SPECC1: variants seen among roughly 807,000 people sequenced by gnomAD.
SPECC1 encodes sperm antigen with calponin homology and coiled-coil domains 1, also known as cytospin-B.
Under a neutral mutation model 104.1 loss-of-function variants are expected in SPECC1, and 62 were observed. That is an observed-to-expected ratio of 0.60 (90% confidence interval 0.49 to 0.74). SPECC1 has a LOEUF of 0.74. Among genes scored for constraint, SPECC1 ranks in the 30% least tolerant of loss-of-function variants. SPECC1 has a pLI of 0.00. For synonymous variants in SPECC1, 513 were observed against 501.6 expected (o/e 1.02, Z -0.30); for missense variants, 1,306 against 1,310.5 (o/e 1.00, Z 0.05).
At chr17:20,266,141 T>C (rs1037933694) in intron 12 of SPECC1, among the ~76,000 whole-genome samples, 7 of 152,222 alleles carry the variant, frequency 4.6e-5, no homozygotes, top group African/African-American at 1.7e-4. Flanking sequence ...AGGAATACCA[T>C]TGAATCTGTA....
chr17:20,306,167 A>G (rs918960031), intron 14 of SPECC1, 85 bp downstream of exon 14: 3 of 1,292,424 alleles, frequency 2.3e-6, no homozygotes, highest in African/African-American at 1.5e-5. Flanking sequence ...TTCTCGTAGA[A>G]CATTGACATC....
chr17:20,076,784 G>A (rs1343082378), intron 1 of SPECC1, among the ~76,000 whole-genome samples: 1 of 152,132 alleles, frequency 6.6e-6, no homozygotes, highest in Non-Finnish European at 1.5e-5. Context: ...ACACAGTGTG[G>A]GGGAGCACTT....
Position 20,317,063 on chromosome 17 carries a change from T to C in SPECC1, c.*2998T>C, listed in dbSNP as rs1273621539. The C allele has an allele frequency of 4.6e-5, 9 of 193,554 alleles. No individual in the cohort carries two copies. Among genetic ancestry groups the C allele is most frequent in the Non-Finnish European group, 8.6e-5 (8 of 92,902 alleles). The allele number at this position is 193,554 out of a possible 1,614,324, so 12.0% of individuals were successfully genotyped here. ...GAGTTTCCCCGACTACCATTTTTTTTTTTTTTATTTGCCAGTGGTGTGCAT... is the reference window on the plus strand; with the variant it reads ...GAGTTTCCCCGACTACCATTTTTTTCTTTTTTATTTGCCAGTGGTGTGCAT... On this transcript the variant is annotated 3_prime_UTR_variant, in exon 15 of 15. Transcript: ENST00000395527.
At chr17:20,181,858 C>T (rs2034913099) in intron 3 of SPECC1, among the ~76,000 whole-genome samples, 1 of 151,874 alleles carries the variant, frequency 6.6e-6, no homozygotes, top group Admixed American at 6.6e-5. Context: ...TACTGTGGTT[C>T]ATAAAACAAG....
chr17:20,180,884 G>C (rs1466619333), intron 3 of SPECC1, among the ~76,000 whole-genome samples: 1 of 152,112 alleles, frequency 6.6e-6, no homozygotes, highest in African/African-American at 2.4e-5. Context: ...CCTAGGTCTA[G>C]GGAGTATTTA....
intron 1 of SPECC1, among the ~76,000 whole-genome samples, chr17:20,073,924 G>A (rs1347310901): frequency 1.3e-5 from 2 of 152,136 alleles, no homozygotes; most frequent in Non-Finnish European, 1.5e-5. Flanking sequence ...ACCTTTTGAC[G>A]TGTTGAAAGA....
At chr17:20,194,992 ACT>A (rs2035934983) in intron 3 of SPECC1, among the ~76,000 whole-genome samples, 1 of 152,134 alleles carries the variant, frequency 6.6e-6, no homozygotes, top group Non-Finnish European at 1.5e-5. Flanking sequence ...AGTTTCCTTG[ACT>A]CTGAAAAACA....
At chr17:20,066,101 T>A (rs2046348640) in intron 1 of SPECC1, among the ~76,000 whole-genome samples, 2 of 152,354 alleles carry the variant, frequency 1.3e-5, no homozygotes, top group South Asian at 4.1e-4. Context: ...AAACTGGATC[T>A]GTTGCTGGCT....
chr17:20,217,281 GT>G (rs966089558), intron 4 of SPECC1, among the ~76,000 whole-genome samples: 13 of 147,598 alleles, frequency 8.8e-5, no homozygotes, highest in Non-Finnish European at 1.6e-4. Flanking sequence ...GTGTGTGTGT[GT>G]TTTTTTTTTC....
chr17:20,097,366 G>A (rs1433376892), intron 2 of SPECC1, among the ~76,000 whole-genome samples: 1 of 152,138 alleles, frequency 6.6e-6, no homozygotes, highest in Non-Finnish European at 1.5e-5. Context: ...CTCCTTAGCT[G>A]CCCTGAGATG....
intron 12 of SPECC1, among the ~76,000 whole-genome samples, chr17:20,282,132 G>A (rs906283155): frequency 2.6e-5 from 4 of 152,362 alleles, no homozygotes; most frequent in African/African-American, 4.8e-5. Context: ...AGTTAACCTC[G>A]GGGAAGAAAC....
intron 4 of SPECC1, among the ~76,000 whole-genome samples, chr17:20,210,229 G>A (rs765779908): frequency 2.6e-5 from 4 of 152,210 alleles, no homozygotes; most frequent in Non-Finnish European, 4.4e-5. Context: ...AAACAGTCAG[G>A]TGGGTTGGAA....
intron 3 of SPECC1, among the ~76,000 whole-genome samples, chr17:20,122,719 G>A (rs1333112308): frequency 2.0e-5 from 3 of 151,724 alleles, no homozygotes; most frequent in African/African-American, 7.3e-5. Flanking sequence ...TCATAGGAGT[G>A]GCATCACACA....
At chr17:20,108,253 A>C (rs980980615) in intron 2 of SPECC1, among the ~76,000 whole-genome samples, 3 of 152,026 alleles carry the variant, frequency 2.0e-5, no homozygotes, top group South Asian at 2.1e-4. Context: ...AAAACCCAGA[A>C]GGCTAGTATT....
chr17:20,082,429 A>C (rs1180094688), intron 1 of SPECC1, among the ~76,000 whole-genome samples: 1 of 151,986 alleles, frequency 6.6e-6, no homozygotes, highest in Non-Finnish European at 1.5e-5. Context: ...GTGAGACCCC[A>C]TTTCTCAAAA....
intron 12 of SPECC1, among the ~76,000 whole-genome samples, chr17:20,264,218 C>G (rs1194269312): frequency 6.6e-6 from 1 of 151,868 alleles, no homozygotes; most frequent in African/African-American, 2.4e-5. Context: ...TATGTTACAT[C>G]CCTCCATATA....
chr17:20,244,507 TAAG>T (rs2039337900), intron 7 of SPECC1, among the ~76,000 whole-genome samples: 1 of 152,098 alleles, frequency 6.6e-6, no homozygotes, highest in Non-Finnish European at 1.5e-5. Flanking sequence ...TTTTCACTCA[TAAG>T]AAGGGACTGT....
chr17:20,061,550 G>A (rs959134042), intron 1 of SPECC1, among the ~76,000 whole-genome samples: 6 of 151,914 alleles, frequency 3.9e-5, no homozygotes, highest in Admixed American at 3.9e-4. Context: ...TGCAACCTTT[G>A]GGAACCTTGA....
rs142744545 is a variant in SPECC1 at position 20,171,126 on chromosome 17, G to A, written c.284-33207G>A. Among the ~76,000 whole-genome samples, 253 of 152,214 alleles carry A rather than the reference G, an allele frequency of 1.7e-3. 2 individuals carry two copies. The highest frequency in any genetic ancestry group is 5.4e-3 in the African/African-American group (224 of 41,546). ...GGCCTCTTTTGCTCTCCCCTCAGTCGTATGTTATAGTATGCTGAAGATACA... is the reference window on the plus strand; with the variant it reads ...GGCCTCTTTTGCTCTCCCCTCAGTCATATGTTATAGTATGCTGAAGATACA... On this transcript the variant is annotated intron_variant, in intron 3 of 14. Coordinates refer to ENST00000395527, the MANE Select transcript of SPECC1 (RefSeq NM_001243439.2).
Sources: allele counts gnomAD v4.1 joint callset (sites outside exome capture counted in the v4.1 genomes callset), GRCh38; gene constraint gnomAD v4.1.1; transcripts MANE v1.5; gene names NCBI Gene and HGNC (gene_info 2026-07-23, HGNC 2026-07-21).